CACNA2D3: variants seen among roughly 807,000 people sequenced by gnomAD.
The protein encoded by CACNA2D3 is voltage-dependent calcium channel subunit alpha-2/delta-3.
CACNA2D3 carries 60 observed loss-of-function variants against 160.6 expected under a neutral mutation model. The ratio of observed to expected loss-of-function variants is 0.37; its 90% CI spans 0.30 to 0.46. CACNA2D3 has a LOEUF of 0.46. Among genes scored for constraint, CACNA2D3 ranks in the 20% least tolerant of loss-of-function variants. CACNA2D3 has a pLI of 1.00. For synonymous variants in CACNA2D3, 558 were observed against 492.9 expected (o/e 1.13, Z -1.75); for missense variants, 1,205 against 1,365.0 (o/e 0.88, Z 1.85).
Position 54,194,328 on chromosome 3 carries a change from C to T in CACNA2D3, c.204+70734C>T, listed in dbSNP as rs145483064. On this transcript the variant is annotated intron_variant, in intron 2 of 37. Coordinates refer to ENST00000474759, the MANE Select transcript of CACNA2D3 (RefSeq NM_018398.3). Reference sequence around the variant, plus strand: ...TTCTATGCATGGAACAAAATGTTACCTTTATCCCATAAAATGTGTAAATAT... The same window carrying T: ...TTCTATGCATGGAACAAAATGTTACTTTTATCCCATAAAATGTGTAAATAT... 9.2e-5 allele frequency among the ~76,000 whole-genome samples: 14 copies of T among 152,228 alleles called. 1 individual carries two copies. The highest frequency in any genetic ancestry group is 2.9e-4 in the African/African-American group (12 of 41,516).
chr3:54,557,458 A>G (rs981107068), intron 5 of CACNA2D3, among the ~76,000 whole-genome samples: 1 of 152,234 alleles, frequency 6.6e-6, no homozygotes. Context: ...TTAAGAAAAA[A>G]GAATTGTCAA....
intron 17 of CACNA2D3, among the ~76,000 whole-genome samples, chr3:54,859,959 C>G (rs1358434213): frequency 4.3e-5 from 6 of 138,184 alleles, no homozygotes; most frequent in Non-Finnish European, 7.7e-5. Flanking sequence ...AGAACATCAT[C>G]TGGAAAGTAG....
intron 2 of CACNA2D3, among the ~76,000 whole-genome samples, chr3:54,250,711 C>T (rs1452098858): frequency 2.6e-5 from 4 of 151,960 alleles, no homozygotes; most frequent in South Asian, 4.1e-4. Flanking sequence ...GCTTGGCTTA[C>T]GTAAAATAAA....
rs2106658816 is a variant in CACNA2D3, at chr3:54,539,384, A to G, written c.545-23416A>G. ...CCTTCTCCTGTGTTACTTCTTATTC[A>G]AATGCAGCCTAGTGAACAGTTAATG... On this transcript the variant is annotated intron_variant, in intron 5 of 37. Coordinates refer to ENST00000474759, the MANE Select transcript of CACNA2D3 (RefSeq NM_018398.3). Among the ~76,000 whole-genome samples the G allele has an allele frequency of 2.0e-5, 3 of 152,290 alleles. No individual in the cohort carries two copies. The South Asian group carries it at 6.2e-4, about 32-fold the overall frequency.
At chr3:54,249,660 C>T (rs1020446215) in intron 2 of CACNA2D3, among the ~76,000 whole-genome samples, 4 of 117,134 alleles carry the variant, frequency 3.4e-5, no homozygotes, top group African/African-American at 7.6e-5. Flanking sequence ...TCTCTGTTTA[C>T]GTACACACAC....
chr3:54,252,833 A>C (rs1702221678), intron 2 of CACNA2D3, among the ~76,000 whole-genome samples: 2 of 152,046 alleles, frequency 1.3e-5, no homozygotes, highest in Non-Finnish European at 2.9e-5. Flanking sequence ...TGAGGCCGGG[A>C]AGTAGAGAGG....
At chr3:54,452,087 G>T (rs896932261) in intron 4 of CACNA2D3, among the ~76,000 whole-genome samples, 6 of 152,108 alleles carry the variant, frequency 3.9e-5, no homozygotes, top group Non-Finnish European at 7.4e-5. Context: ...AAAATATATT[G>T]TATTAGTCTG....
intron 10 of CACNA2D3, chr3:54,637,916 C>A (rs1353665236): frequency 2.0e-5 from 3 of 152,060 alleles, no homozygotes; most frequent in African/African-American, 7.3e-5. Context: ...TTCCTTGGCC[C>A]AGTGGCCAGA....
chr3:55,060,976 ACCTCCTGT>A (rs1704493221), intron 35 of CACNA2D3, among the ~76,000 whole-genome samples: 1 of 152,120 alleles, frequency 6.6e-6, no homozygotes, highest in African/African-American at 2.4e-5. Flanking sequence ...ATGCCAAAGA[ACCTCCTGT>A]CCAGGTTGTT....
At position 54,850,415 on chromosome 3, in the gene CACNA2D3, G is replaced by A. The variant is rs1027123827; in HGVS notation, c.1626+3948G>A. ...CCCTGGAATGTTTGTTTGTTTGATC[G>A]TTACCACTTGTTAAACATTGAAGTA... On this transcript the variant is annotated intron_variant, in intron 17 of 37. Coordinates refer to ENST00000474759, the MANE Select transcript of CACNA2D3 (RefSeq NM_018398.3). Among the ~76,000 whole-genome samples, 5 of 152,246 alleles carry A rather than the reference G, an allele frequency of 3.3e-5. No homozygotes were observed. The East Asian group carries it at 5.8e-4, about 18-fold the overall frequency.
chr3:54,613,844 C>T (rs1698794139), intron 9 of CACNA2D3, among the ~76,000 whole-genome samples: 2 of 152,182 alleles, frequency 1.3e-5, no homozygotes, highest in Admixed American at 1.3e-4. Context: ...ACTATTTCTC[C>T]ATCTAAAAAT....
chr3:54,861,510 G>A (rs1476901988), intron 17 of CACNA2D3, among the ~76,000 whole-genome samples: 3 of 152,144 alleles, frequency 2.0e-5, no homozygotes, highest in Non-Finnish European at 4.4e-5. Flanking sequence ...CCTAGGACAT[G>A]AGGAGCTATG....
At chr3:55,044,299 T>C (rs1482812926) in intron 35 of CACNA2D3, among the ~76,000 whole-genome samples, 2 of 152,200 alleles carry the variant, frequency 1.3e-5, no homozygotes, top group Non-Finnish European at 2.9e-5. Flanking sequence ...TTCTATAGTT[T>C]TCAATATAAT....
chr3:54,492,526 A>G (rs1391031150), intron 4 of CACNA2D3, among the ~76,000 whole-genome samples: 2 of 152,172 alleles, frequency 1.3e-5, no homozygotes, highest in Non-Finnish European at 2.9e-5. Flanking sequence ...CCCGGCCTGA[A>G]GAGTTGATTG....
intron 12 of CACNA2D3, among the ~76,000 whole-genome samples, chr3:54,760,074 C>T (rs556988873): frequency 6.6e-6 from 1 of 152,256 alleles, no homozygotes; most frequent in South Asian, 2.1e-4. Context: ...GAATATTGCT[C>T]CCAACAAGGT....
intron 2 of CACNA2D3, among the ~76,000 whole-genome samples, chr3:54,128,257 C>A (rs999693055): frequency 1.3e-5 from 2 of 151,766 alleles, no homozygotes; most frequent in Non-Finnish European, 3.0e-5. Flanking sequence ...CCTGAGCTGA[C>A]ACAGTTATTA....
At chr3:54,558,091 C>A (rs537334019) in intron 5 of CACNA2D3, among the ~76,000 whole-genome samples, 1 of 152,270 alleles carries the variant, frequency 6.6e-6, no homozygotes, top group African/African-American at 2.4e-5. Context: ...GCACTGGGGC[C>A]AATCCTGAGT....
chr3:55,058,072 CA>C (rs1704409530), intron 35 of CACNA2D3, among the ~76,000 whole-genome samples: 1 of 152,136 alleles, frequency 6.6e-6, no homozygotes, highest in South Asian at 2.1e-4. Context: ...TGTCTCTCTT[CA>C]AACGTCTTCC....
intron 11 of CACNA2D3, among the ~76,000 whole-genome samples, chr3:54,714,464 A>T (rs1423531891): frequency 6.6e-6 from 1 of 151,960 alleles, no homozygotes; most frequent in Non-Finnish European, 1.5e-5. Flanking sequence ...TCCTGTAGCC[A>T]CTCTCAGGAT....
Sources: allele counts gnomAD v4.1 joint callset (sites outside exome capture counted in the v4.1 genomes callset), GRCh38; gene constraint gnomAD v4.1.1; transcripts MANE v1.5; gene names NCBI Gene and HGNC (gene_info 2026-07-23, HGNC 2026-07-21).